The following AGBL4 variants were observed in gnomAD, a reference collection of about 807,000 sequenced individuals.
AGBL4 encodes the protein cytosolic carboxypeptidase 6.
Under a neutral mutation model 66.4 loss-of-function variants are expected in AGBL4, and 58 were observed. The ratio of observed to expected loss-of-function variants is 0.87; its 90% confidence interval spans 0.71 to 1.09. AGBL4 has a LOEUF of 1.09. Ranked by LOEUF, AGBL4 falls within the 50% of genes least tolerant of loss-of-function variation. AGBL4 has a pLI of 0.00. For missense variants in AGBL4, 579 were observed against 631.0 expected (o/e 0.92, Z 0.88); for synonymous variants, 234 against 222.9 (o/e 1.05, Z -0.44).
intron 3 of AGBL4, among the ~76,000 whole-genome samples, chr1:49,292,608 A>G (rs1014981577): frequency 2.0e-5 from 3 of 152,142 alleles, no homozygotes; most frequent in African/African-American, 4.8e-5. Flanking sequence ...CTCTGCTGAG[A>G]GCTAAACAAT....
intron 2 of AGBL4, among the ~76,000 whole-genome samples, chr1:49,839,946 T>C (rs1477925814): frequency 2.0e-5 from 3 of 152,058 alleles, no homozygotes; most frequent in Non-Finnish European, 4.4e-5. Context: ...AGGGCAGCAA[T>C]ACATATAATT....
At chr1:49,015,825 G>A (rs1427804321) in intron 5 of AGBL4, among the ~76,000 whole-genome samples, 1 of 151,218 alleles carries the variant, frequency 6.6e-6, no homozygotes, top group Admixed American at 6.6e-5. Context: ...TATTTTTTTC[G>A]TTTTAAAGAA....
chr1:49,713,819 A>G (rs149879361), intron 2 of AGBL4, among the ~76,000 whole-genome samples: 2 of 152,092 alleles, frequency 1.3e-5, no homozygotes, highest in East Asian at 1.9e-4. Context: ...TTTAAGAGAT[A>G]GGGTATTTGT....
At chr1:48,742,794 CTG>C (rs1167259168) in intron 6 of AGBL4, 16 of 1,510,264 alleles carry the variant, frequency 1.1e-5, no homozygotes, top group Non-Finnish European at 1.4e-5. Flanking sequence ...GAAAAGAAAT[CTG>C]TCTAGAACTC....
chr1:48,958,795 C>T (rs1174939012), intron 5 of AGBL4, among the ~76,000 whole-genome samples: 1 of 152,202 alleles, frequency 6.6e-6, no homozygotes, highest in Non-Finnish European at 1.5e-5. Context: ...GAACACAGAG[C>T]CCCATGCTTT....
chr1:49,292,762 T>C (rs971384819), intron 3 of AGBL4, among the ~76,000 whole-genome samples: 1 of 151,794 alleles, frequency 6.6e-6, no homozygotes, highest in African/African-American at 2.4e-5. Context: ...ACACTCAACA[T>C]GATGACTTGT....
chr1:49,094,477 G>T (rs1645056429), intron 4 of AGBL4, among the ~76,000 whole-genome samples: 1 of 152,092 alleles, frequency 6.6e-6, no homozygotes, highest in Non-Finnish European at 1.5e-5. Context: ...CTGTTTATAT[G>T]CTGGATTATG....
chr1:48,582,501 G>A (rs1271748277), intron 11 of AGBL4, among the ~76,000 whole-genome samples: 2 of 152,162 alleles, frequency 1.3e-5, no homozygotes, highest in Non-Finnish European at 2.9e-5. Context: ...CCGTAATAGC[G>A]TGGAGTCAGA....
At chr1:49,173,906 T>A (rs1438433950) in intron 4 of AGBL4, among the ~76,000 whole-genome samples, 1 of 152,014 alleles carries the variant, frequency 6.6e-6, no homozygotes, top group Non-Finnish European at 1.5e-5. Flanking sequence ...AAACAAAGTG[T>A]TTAAGGATAG....
chr1:49,833,464 T>A (rs1645754414), intron 2 of AGBL4, among the ~76,000 whole-genome samples: 1 of 152,218 alleles, frequency 6.6e-6, no homozygotes, highest in Non-Finnish European at 1.5e-5. Flanking sequence ...TAGGATTGAC[T>A]TGGCGATGCG....
intron 5 of AGBL4, among the ~76,000 whole-genome samples, chr1:49,002,313 G>A (rs919978868): frequency 1.3e-5 from 2 of 152,134 alleles, no homozygotes; most frequent in African/African-American, 4.8e-5. Flanking sequence ...CCCCTTTAAT[G>A]GCTGGTTTTC....
At chr1:48,753,711 C>T (rs1570516988) in intron 6 of AGBL4, among the ~76,000 whole-genome samples, 2 of 152,192 alleles carry the variant, frequency 1.3e-5, no homozygotes, top group South Asian at 4.1e-4. Context: ...CTCTCTAAAA[C>T]GGAGATAATA....
At chr1:48,718,077 G>A (rs986003543) in intron 6 of AGBL4, among the ~76,000 whole-genome samples, 3 of 152,282 alleles carry the variant, frequency 2.0e-5, no homozygotes, top group Non-Finnish European at 2.9e-5. Context: ...CAAAATGAAC[G>A]AGGGAATGAA....
At chr1:48,843,413 T>A (rs1646847399) in intron 6 of AGBL4, among the ~76,000 whole-genome samples, 1 of 152,110 alleles carries the variant, frequency 6.6e-6, no homozygotes. Context: ...GTTCAAAAGA[T>A]CTTTTTGTTT....
chr1:49,908,202 C>A (rs1464744347), intron 1 of AGBL4, among the ~76,000 whole-genome samples: 2 of 151,668 alleles, frequency 1.3e-5, no homozygotes, highest in Non-Finnish European at 2.9e-5. Flanking sequence ...TAAATGAGAC[C>A]TCATCTCTCT....
chr1:49,648,942 C>T (rs1645947174), intron 3 of AGBL4, among the ~76,000 whole-genome samples: 1 of 151,986 alleles, frequency 6.6e-6, no homozygotes, highest in African/African-American at 2.4e-5. Flanking sequence ...AAAATGAAAG[C>T]ATATTTTTCT....
At chr1:49,840,055 C>T (rs1645952250) in intron 2 of AGBL4, among the ~76,000 whole-genome samples, 1 of 152,004 alleles carries the variant, frequency 6.6e-6, no homozygotes, top group Non-Finnish European at 1.5e-5. Flanking sequence ...AGAGTGTGGA[C>T]ATAGGTACAT....
At chr1:49,623,333 A>G (rs991137088) in intron 3 of AGBL4, among the ~76,000 whole-genome samples, 18 of 152,204 alleles carry the variant, frequency 1.2e-4, no homozygotes, top group Non-Finnish European at 2.4e-4. Flanking sequence ...CATTATAAGG[A>G]AATTTTTACA....
intron 3 of AGBL4, among the ~76,000 whole-genome samples, chr1:49,318,562 T>C (rs1645079681): frequency 6.6e-6 from 1 of 152,096 alleles, no homozygotes; most frequent in African/African-American, 2.4e-5. Context: ...ATTTAGAGAA[T>C]TCCTTTAAAA....
Sources: gnomAD v4.1 joint callset for allele counts (sites outside exome capture counted in the v4.1 genomes callset) on GRCh38, gnomAD v4.1.1 for gene constraint, MANE v1.5 for transcripts, NCBI Gene and HGNC (gene_info 2026-07-23, HGNC 2026-07-21) for gene names.